RBFOX1: variants seen among roughly 807,000 people sequenced by gnomAD.
RBFOX1 encodes RNA binding fox-1 homolog 1, also known as RNA binding protein fox-1 homolog 1.
A neutral mutation model predicts 57.7 loss-of-function variants in RBFOX1; 8 were observed. That is an observed-to-expected ratio of 0.14 (90% CI 0.08 to 0.25). The LOEUF (loss-of-function observed/expected upper bound fraction) is 0.25, where lower values mean the gene tolerates loss of function less well. RBFOX1 is among the 10% of genes least tolerant of loss of function. RBFOX1 has a pLI of 1.00. For missense variants in RBFOX1, 611 were observed against 548.5 expected, an observed-to-expected ratio of 1.11 and a Z score of -1.14; for synonymous variants, 326 against 222.4, an observed-to-expected ratio of 1.47 and a Z score of -4.15.
At chr16:5,796,078 G>A (rs2054868743) in intron 3 of RBFOX1, among the ~76,000 whole-genome samples, 2 of 152,176 alleles carry the variant, frequency 1.3e-5, no homozygotes, top group South Asian at 2.1e-4. Flanking sequence ...ATTGGGGGAA[G>A]GGAGGACTTC....
At chr16:6,820,514 C>G (rs138112728) in intron 3 of RBFOX1, among the ~76,000 whole-genome samples, 3 of 152,164 alleles carry the variant, frequency 2.0e-5, no homozygotes, top group Non-Finnish European at 4.4e-5. Context: ...TAAAAAGTAA[C>G]TGGGTATGGT....
intron 1 of RBFOX1, among the ~76,000 whole-genome samples, chr16:6,024,453 G>A (rs148039825): frequency 1.4e-3 from 210 of 152,258 alleles, no homozygotes; most frequent in Non-Finnish European, 2.5e-3. Context: ...TGATCTGTAT[G>A]GATCCATACA....
intron 4 of RBFOX1, among the ~76,000 whole-genome samples, chr16:7,326,488 A>G (rs1032093631): frequency 1.3e-5 from 2 of 152,162 alleles, no homozygotes; most frequent in Non-Finnish European, 2.9e-5. Context: ...CAGAGCTGCC[A>G]TGATGAGCAG....
At chr16:7,171,918 G>C (rs2080777306) in intron 4 of RBFOX1, among the ~76,000 whole-genome samples, 1 of 152,170 alleles carries the variant, frequency 6.6e-6, no homozygotes, top group African/African-American at 2.4e-5. Context: ...ATATCCTCAG[G>C]TAGAACAATT....
intron 3 of RBFOX1, among the ~76,000 whole-genome samples, chr16:6,694,718 C>A (rs1259510938): frequency 2.6e-5 from 4 of 152,160 alleles, no homozygotes; most frequent in Non-Finnish European, 5.9e-5. Context: ...ATCCTCCCAG[C>A]AACTCCATTG....
intron 1 of RBFOX1, among the ~76,000 whole-genome samples, chr16:5,415,784 A>G (rs1000488402): frequency 1.3e-5 from 2 of 152,236 alleles, no homozygotes; most frequent in African/African-American, 4.8e-5. Flanking sequence ...TGGTATGGAT[A>G]TAGCAAAAAT....
chr16:5,478,890 C>G (rs1222823413), intron 2 of RBFOX1, among the ~76,000 whole-genome samples: 1 of 152,206 alleles, frequency 6.6e-6, no homozygotes, highest in Admixed American at 6.5e-5. Context: ...GCAACCCTCT[C>G]TGTCTGTATT....
chr16:5,411,427 G>A (rs775245060), intron 1 of RBFOX1, among the ~76,000 whole-genome samples: 142 of 152,260 alleles, frequency 9.3e-4, no homozygotes, highest in African/African-American at 3.2e-3. Context: ...TCTAGAAGTC[G>A]GAAATGGCAA....
intron 4 of RBFOX1, among the ~76,000 whole-genome samples, chr16:7,309,158 A>T (rs1187917193): frequency 6.6e-6 from 1 of 152,188 alleles, no homozygotes; most frequent in Non-Finnish European, 1.5e-5. Context: ...TTCTAGAGGG[A>T]TGTCTTACGT....
chr16:6,682,719 G>C (rs2058841892), intron 3 of RBFOX1, among the ~76,000 whole-genome samples: 1 of 151,928 alleles, frequency 6.6e-6, no homozygotes, highest in Admixed American at 6.6e-5. Context: ...CCTGTTTGAC[G>C]ATCATGGTGT....
Position 7,394,066 on chromosome 16 carries a change from T to C in RBFOX1, c.28-124081T>C, listed in dbSNP as rs562766159. 5.0e-3 allele frequency among the ~76,000 whole-genome samples: 759 copies of C among 151,678 alleles called. 6 individuals are homozygous for C. The highest frequency in any genetic ancestry group is 0.017 in the African/African-American group (697 of 41,348). On this transcript the variant is annotated intron_variant, in intron 4 of 15. Transcript: ENST00000550418. The stretch of plus-strand genomic sequence containing the variant: ...TCCTGGCCACAATGGTGAAACCCCA[T>C]CTCTACGAAAAATACCAAAATTAGC...
intron 3 of RBFOX1, among the ~76,000 whole-genome samples, chr16:5,759,601 C>T (rs866075006): frequency 5.9e-5 from 9 of 152,180 alleles, no homozygotes; most frequent in South Asian, 2.1e-4. Context: ...CTTTTGCCGC[C>T]AGTGCCAGGC....
chr16:6,453,185 C>T (rs1339992886), intron 2 of RBFOX1, among the ~76,000 whole-genome samples: 1 of 152,026 alleles, frequency 6.6e-6, no homozygotes, highest in East Asian at 1.9e-4. Flanking sequence ...CATAGGTATA[C>T]ACATGCCACA....
At chr16:5,677,111 G>A (rs1369014686) in intron 3 of RBFOX1, among the ~76,000 whole-genome samples, 1 of 152,182 alleles carries the variant, frequency 6.6e-6, no homozygotes, top group East Asian at 1.9e-4. Context: ...TGGAGGGCAA[G>A]GTCAAACGGA....
In RBFOX1 at chr16:7,580,010, A is replaced by G. The variant is rs1373739437; in HGVS notation, c.414+90A>G. 1.6e-5 allele frequency: 23 copies of G among 1,413,644 alleles called. No individual in the cohort carries two copies. The Middle Eastern group carries it at 6.4e-4, about 39-fold the overall frequency. 87.6% of individuals were successfully genotyped at this position (1,413,644 alleles called of 1,614,324 possible). Reference sequence around the variant, plus strand: ...GTAAGTTTGGGGTATTTACAATACTAAGGTTAGATGTTTGTATGGGGAGAA... The same window carrying G: ...GTAAGTTTGGGGTATTTACAATACTGAGGTTAGATGTTTGTATGGGGAGAA... On this transcript the variant is annotated intron_variant, in intron 6 of 15. Transcript: ENST00000550418.
intron 3 of RBFOX1, among the ~76,000 whole-genome samples, chr16:5,691,255 G>A (rs1443259420): frequency 6.6e-6 from 1 of 152,182 alleles, no homozygotes. Flanking sequence ...AGCAATTCAG[G>A]AGGATTGGGA....
chr16:6,746,669 A>T (rs1307671446), intron 3 of RBFOX1, among the ~76,000 whole-genome samples: 2 of 151,648 alleles, frequency 1.3e-5, no homozygotes, highest in African/African-American at 4.9e-5. Flanking sequence ...CGAGTGAGAC[A>T]CAGGTGTCAG....
chr16:6,047,962 C>G (rs74006574), intron 1 of RBFOX1, among the ~76,000 whole-genome samples: 9,414 of 152,198 alleles, frequency 0.062, 919 homozygotes, highest in African/African-American at 0.2. Flanking sequence ...GTTGGAGGCA[C>G]ATTTTGCTAC....
chr16:6,964,907 C>T (rs984393056), intron 3 of RBFOX1, among the ~76,000 whole-genome samples: 1 of 152,170 alleles, frequency 6.6e-6, no homozygotes, highest in Non-Finnish European at 1.5e-5. Context: ...CTGACTTAAG[C>T]CAGGCTAATC....
Sources: allele counts gnomAD v4.1 joint callset (sites outside exome capture counted in the v4.1 genomes callset), GRCh38; gene constraint gnomAD v4.1.1; transcripts MANE v1.5; gene names NCBI Gene and HGNC (gene_info 2026-07-23, HGNC 2026-07-21).